Variants in PTPRJ observed in about 807,000 individuals in gnomAD.
PTPRJ encodes receptor-type tyrosine-protein phosphatase eta.
A neutral mutation model predicts 141.3 loss-of-function variants in PTPRJ; 129 were observed. The observed-to-expected ratio is 0.91, with a 90% CI of 0.79 to 1.06. The LOEUF (loss-of-function observed/expected upper bound fraction) is 1.06. Ranked by LOEUF, PTPRJ falls within the 50% of genes least tolerant of loss-of-function variation. The pLI is 0.00. For synonymous variants in PTPRJ, 610 were observed against 640.5 expected (o/e 0.95, Z 0.72); for missense variants, 1,601 against 1,679.7 (o/e 0.95, Z 0.82).
At chr11:48,157,609 C>G (rs1027533539) in intron 21 of PTPRJ, among the ~76,000 whole-genome samples, 5 of 152,196 alleles carry the variant, frequency 3.3e-5, no homozygotes, top group Admixed American at 2.0e-4. Context: ...GTACTGTCCC[C>G]AGGATAGTGG....
intron 23 of PTPRJ, 145 bp from the exon 24 acceptor site, chr11:48,164,235 A>G (rs1857856915): frequency 1.9e-6 from 2 of 1,026,588 alleles, no homozygotes; most frequent in African/African-American, 3.3e-5. Context: ...CTGAGGCTTC[A>G]ACTGAGCAAA....
intron 1 of PTPRJ, among the ~76,000 whole-genome samples, chr11:48,019,700 C>G (rs1206276843): frequency 6.6e-6 from 1 of 152,154 alleles, no homozygotes; most frequent in African/African-American, 2.4e-5. Context: ...AGTTGATTTG[C>G]TTTTTAAAAA....
intron 4 of PTPRJ, 42 bp downstream of exon 4, chr11:48,121,308 T>G: frequency 6.3e-7 from 1 of 1,595,808 alleles, no homozygotes; most frequent in Non-Finnish European, 8.6e-7. Flanking sequence ...AACCATTTCT[T>G]ATTATGGTGT....
intron 1 of PTPRJ, among the ~76,000 whole-genome samples, chr11:48,023,526 G>A (rs1212707034): frequency 6.6e-6 from 1 of 152,178 alleles, no homozygotes. Context: ...GCTCATGCCT[G>A]TAATCCCAGC....
intron 4 of PTPRJ, among the ~76,000 whole-genome samples, chr11:48,121,900 G>C (rs1403941282): frequency 1.3e-5 from 2 of 152,092 alleles, no homozygotes; most frequent in East Asian, 3.9e-4. Context: ...TCCTCTGTTA[G>C]TTTTCTGATC....
chr11:48,000,448 C>T (rs1027683442), intron 1 of PTPRJ, among the ~76,000 whole-genome samples: 3 of 152,116 alleles, frequency 2.0e-5, no homozygotes, highest in African/African-American at 4.8e-5. Flanking sequence ...TCCTGGCTTG[C>T]TTCTTTCCCG....
At chr11:48,135,466 C>T (rs1394894961) in intron 8 of PTPRJ, among the ~76,000 whole-genome samples, 4 of 147,062 alleles carry the variant, frequency 2.7e-5, no homozygotes, top group Admixed American at 6.9e-5. Flanking sequence ...CGTGATCCAC[C>T]GCGCCTGGCC....
At chr11:48,159,010 G>A (rs1040645200) in intron 21 of PTPRJ, among the ~76,000 whole-genome samples, 1 of 152,076 alleles carries the variant, frequency 6.6e-6, no homozygotes, top group African/African-American at 2.4e-5. Flanking sequence ...CTTCTCAGGT[G>A]AGTCAGATAA....
chr11:48,109,981 T>C, intron 1 of PTPRJ, 77 bp from the exon 2 acceptor site: 1 of 1,542,150 alleles, frequency 6.5e-7, no homozygotes, highest in Non-Finnish European at 9.0e-7. Flanking sequence ...TATTAAATCC[T>C]CAACTGCTTT....
At chr11:48,035,734 T>C (rs1026542256) in intron 1 of PTPRJ, among the ~76,000 whole-genome samples, 2 of 152,054 alleles carry the variant, frequency 1.3e-5, no homozygotes, top group Non-Finnish European at 2.9e-5. Context: ...CTAAATGATA[T>C]TCTCATCAGG....
chr11:48,129,772 C>T (rs1856926313), intron 7 of PTPRJ, among the ~76,000 whole-genome samples: 1 of 152,096 alleles, frequency 6.6e-6, no homozygotes, highest in African/African-American at 2.4e-5. Context: ...CAGGAAGCTG[C>T]AGCCACCGCT....
rs1282750246 is a variant in PTPRJ, at chr11:48,139,768, GCAT to G, written c.2438_2440del (p.Ile813del). ...CCCACCCGGAACACCTGCACTACTG[GCAT>G]CACAGGTGGGCTACAAGGCAGGGGC... is the stretch of plus-strand genomic sequence containing the variant. On this transcript the variant is annotated inframe_deletion, in exon 11 of 25. Coordinates refer to ENST00000418331, the MANE Select transcript of PTPRJ (RefSeq NM_002843.4). The G allele has an allele frequency of 6.2e-7, 1 of 1,613,682 alleles. No individual in the cohort carries two copies. The highest frequency in any genetic ancestry group is 8.5e-7 in the Non-Finnish European group (1 of 1,179,996).
intron 8 of PTPRJ, chr11:48,132,346 G>A (rs1429791062): frequency 3.1e-6 from 3 of 974,556 alleles, no homozygotes; most frequent in African/African-American, 1.8e-5. Flanking sequence ...ACTAGCACCA[G>A]CCTGGGAGAC....
In PTPRJ at chr11:48,050,444, T is replaced by C. The variant is rs139763904; in HGVS notation, c.97-59614T>C. 6.5e-3 allele frequency among the ~76,000 whole-genome samples: 995 copies of C among 152,336 alleles called. 5 individuals carry two copies. The highest frequency in any genetic ancestry group is 0.02 in the Middle Eastern group (6 of 294). On this transcript the variant is annotated intron_variant, in intron 1 of 24. Coordinates refer to ENST00000418331, the MANE Select transcript of PTPRJ (RefSeq NM_002843.4). ...AGTCCATAGTTTCTGTTAGAATTCA[T>C]GCATAGCATTCTACATTCTGTGGGT...
At chr11:47,990,938 C>A (rs916158942) in intron 1 of PTPRJ, among the ~76,000 whole-genome samples, 1 of 152,008 alleles carries the variant, frequency 6.6e-6, no homozygotes, top group African/African-American at 2.4e-5. Flanking sequence ...CTCAGCCTCC[C>A]AAAGTGCTGG....
chr11:48,085,481 A>C (rs980769527), intron 1 of PTPRJ, among the ~76,000 whole-genome samples: 1 of 151,998 alleles, frequency 6.6e-6, no homozygotes, highest in Non-Finnish European at 1.5e-5. Context: ...AGTAGCTGGG[A>C]TTACAGGCAC....
chr11:48,066,551 GTCGTATTAT>G (rs1855086233), intron 1 of PTPRJ, among the ~76,000 whole-genome samples: 1 of 125,844 alleles, frequency 7.9e-6, no homozygotes, highest in Non-Finnish European at 1.6e-5. Flanking sequence ...GAATTATCCA[GTCGTATTAT>G]TATTATTATT....
chr11:48,007,692 C>T (rs548897781), intron 1 of PTPRJ, among the ~76,000 whole-genome samples: 38 of 152,328 alleles, frequency 2.5e-4, no homozygotes, highest in Non-Finnish European at 4.3e-4. Flanking sequence ...CCACTGCACC[C>T]GGCTGAGGCC....
In PTPRJ at chr11:48,167,524, A is replaced by T. The variant is rs1396307626; in HGVS notation, c.*162A>T. 1.3e-6 allele frequency: 1 copy of T among 784,600 alleles called. No homozygotes were observed. The allele number at this position is 784,600 out of a possible 1,614,324, so 48.6% of individuals were successfully genotyped here. A position where few individuals can be genotyped will look rare whatever the true frequency, so the allele number is the denominator to read the frequency against. ...CATGAAGCTGCATATGATAGATGAC[A>T]AATTGGGGCTGTCGGGGGCTGTGGA... On this transcript the variant is annotated 3_prime_UTR_variant, in exon 25 of 25. Transcript: ENST00000418331.
Sources: allele counts gnomAD v4.1 joint callset (sites outside exome capture counted in the v4.1 genomes callset), GRCh38; gene constraint gnomAD v4.1.1; transcripts MANE v1.5; gene names NCBI Gene and HGNC (gene_info 2026-07-23, HGNC 2026-07-21).